The following ANTXR1 variants were observed in gnomAD, a reference collection of about 807,000 sequenced individuals.
The protein encoded by ANTXR1 is ANTXR cell adhesion molecule 1.
A neutral mutation model predicts 78.1 loss-of-function variants in ANTXR1; 19 were observed. That is an observed-to-expected ratio of 0.24 (90% CI 0.17 to 0.36). The LOEUF is 0.36. Among genes scored for constraint, ANTXR1 ranks in the 10% least tolerant of loss-of-function variants. The pLI, the probability that ANTXR1 is intolerant of heterozygous loss-of-function variation, is 1.00. For synonymous variants in ANTXR1, 273 were observed against 260.5 expected, an observed-to-expected ratio of 1.05 and a Z score of -0.46; for missense variants, 518 against 718.6, an observed-to-expected ratio of 0.72 and a Z score of 3.19.
At chr2:69,090,662 A>C (rs1671202337) in intron 8 of ANTXR1, 197 bp from the exon 9 acceptor site, 1 of 625,494 alleles carries the variant, frequency 1.6e-6, no homozygotes, top group Admixed American at 2.5e-5. Context: ...TAGGATACCC[A>C]ACAGCATCTA....
In ANTXR1 at chr2:69,181,897, C is replaced by A. The variant is rs6749826; in HGVS notation, c.1185+16C>A. ...AAGAATGGAGGTAAGAGGACAGCTT[C>A]ATATACACTTATCTATGTGCTGACT... is the stretch of plus-strand genomic sequence containing the variant. On this transcript the variant is annotated intron_variant, in intron 15 of 17. Transcript: ENST00000303714. The A allele has an allele frequency of 0.46, 736,213 of 1,611,934 alleles. 174,406 individuals are homozygous for A. The highest frequency in any genetic ancestry group is 0.78 in the East Asian group (34,946 of 44,846).
In ANTXR1 at chr2:69,230,897, A is replaced by G. The variant is rs530079403; in HGVS notation, c.1435-14328A>G. Among the ~76,000 whole-genome samples the G allele has an allele frequency of 3.3e-5, 5 of 152,268 alleles. No individual in the cohort carries two copies. In the South Asian group the frequency reaches 1.0e-3, roughly 32 times the overall value. ...GGGGGCTTGTTGTACAGATTATTTC[A>G]TCACCCAGGTATTAAGCCCAGTACC... On this transcript the variant is annotated intron_variant, in intron 17 of 17. Transcript: ENST00000303714.
In ANTXR1 at chr2:69,193,376, T is replaced by C. The variant is rs769362984; in HGVS notation, c.1395T>C (p.Tyr465=). 11 of 1,613,820 alleles carry C rather than the reference T, an allele frequency of 6.8e-6. No individual in the cohort carries two copies. In the Admixed American group the frequency reaches 1.3e-4, roughly 20 times the overall value. ...TGTGGGTCCTACTGAGGAAAGGATA[T>C]GATCGTGTGTCTGTGATGCGTCCAC... is the stretch of plus-strand genomic sequence containing the variant. ...DALWVLLRKG[Y]DRVSVMRPQP... is the part of the protein sequence containing the mutation. The change falls in exon 17 of 18, where the codon TAT becomes TAC. Residue 465 remains tyrosine (Y), a synonymous_variant. Transcript: ENST00000303714.
At chr2:69,126,190 C>T (rs933012750) in intron 12 of ANTXR1, among the ~76,000 whole-genome samples, 1 of 152,186 alleles carries the variant, frequency 6.6e-6, no homozygotes, top group Non-Finnish European at 1.5e-5. Flanking sequence ...CCTCCTAATG[C>T]CCCCAACACC....
chr2:69,088,772 A>G (rs1671135905), intron 8 of ANTXR1, among the ~76,000 whole-genome samples: 2 of 152,238 alleles, frequency 1.3e-5, no homozygotes, highest in South Asian at 4.1e-4. Context: ...ACCATAAGGC[A>G]CTGGGGAAGC....
chr2:69,133,631 A>AT (rs1672822479), intron 12 of ANTXR1, among the ~76,000 whole-genome samples: 1 of 152,212 alleles, frequency 6.6e-6, no homozygotes, highest in Non-Finnish European at 1.5e-5. Flanking sequence ...TGATTTGTGA[A>AT]TTTGGTCATC....
intron 14 of ANTXR1, chr2:69,172,510 A>G: frequency 3.5e-6 from 5 of 1,443,652 alleles, no homozygotes; most frequent in Middle Eastern, 5.1e-4. Context: ...AGTTCCCTGT[A>G]TTCAAATCCC....
chr2:69,043,850 AC>A (rs764748458), intron 2 of ANTXR1, among the ~76,000 whole-genome samples: 1 of 152,174 alleles, frequency 6.6e-6, no homozygotes, highest in Non-Finnish European at 1.5e-5. Flanking sequence ...AAGCTAAGAT[AC>A]GGGAAGTGAG....
intron 3 of ANTXR1, 31 bp from the exon 4 acceptor site, chr2:69,070,616 A>G: frequency 6.2e-7 from 1 of 1,607,522 alleles, no homozygotes; most frequent in Non-Finnish European, 8.5e-7. Flanking sequence ...AAATACTCAA[A>G]TAAGACTAAC....
intron 8 of ANTXR1, among the ~76,000 whole-genome samples, chr2:69,087,094 C>G (rs1317920722): frequency 6.6e-6 from 1 of 152,156 alleles, no homozygotes; most frequent in East Asian, 1.9e-4. Flanking sequence ...GCAGAGGAAA[C>G]TGAGATTTGG....
At chr2:69,132,451 AT>A (rs1672779134) in intron 12 of ANTXR1, among the ~76,000 whole-genome samples, 1 of 152,230 alleles carries the variant, frequency 6.6e-6, no homozygotes, top group African/African-American at 2.4e-5. Flanking sequence ...TTTTGTAGTC[AT>A]TATGACTCTT....
intron 3 of ANTXR1, among the ~76,000 whole-genome samples, chr2:69,049,016 T>C (rs1314921915): frequency 6.6e-6 from 1 of 152,128 alleles, no homozygotes; most frequent in African/African-American, 2.4e-5. Flanking sequence ...ATTGTCAACA[T>C]TTTTTTCCCA....
At chr2:69,068,060 A>G (rs911258418) in intron 3 of ANTXR1, among the ~76,000 whole-genome samples, 4 of 152,144 alleles carry the variant, frequency 2.6e-5, no homozygotes, top group African/African-American at 9.7e-5. Flanking sequence ...GCCTCCTTCC[A>G]TATGGCCAAG....
chr2:69,184,620 C>T (rs977523135), intron 16 of ANTXR1, among the ~76,000 whole-genome samples: 1 of 152,126 alleles, frequency 6.6e-6, no homozygotes, highest in Non-Finnish European at 1.5e-5. Flanking sequence ...TTGAAAACTC[C>T]GGTTTCTACT....
At chr2:69,112,175 G>C (rs1371226172) in intron 10 of ANTXR1, among the ~76,000 whole-genome samples, 1 of 152,154 alleles carries the variant, frequency 6.6e-6, no homozygotes, top group Non-Finnish European at 1.5e-5. Flanking sequence ...AGCAGCTACT[G>C]ATTGTTGAGT....
At chr2:69,226,124 T>C (rs1675445276) in intron 17 of ANTXR1, among the ~76,000 whole-genome samples, 1 of 152,128 alleles carries the variant, frequency 6.6e-6, no homozygotes, top group Admixed American at 6.5e-5. Flanking sequence ...ATGAGGGGGT[T>C]GGTAGCCATA....
chr2:69,132,459 T>G (rs1030883825), intron 12 of ANTXR1, among the ~76,000 whole-genome samples: 2 of 152,234 alleles, frequency 1.3e-5, no homozygotes, highest in African/African-American at 2.4e-5. Context: ...TCATTATGAC[T>G]CTTTAGGTAA....
At chr2:69,234,195 C>T (rs1214608603) in intron 17 of ANTXR1, among the ~76,000 whole-genome samples, 5 of 152,106 alleles carry the variant, frequency 3.3e-5, no homozygotes, top group African/African-American at 1.2e-4. Flanking sequence ...GGAACTATAA[C>T]AGTGGAAACT....
At chr2:69,188,034 CAAAAAAAAAAAAAAAAAA>C (rs34500820) in intron 16 of ANTXR1, among the ~76,000 whole-genome samples, 121 of 90,788 alleles carry the variant, frequency 1.3e-3, no homozygotes, top group Middle Eastern at 0.01. Context: ...TGCTGCCTGG[CAAAAAAAAAAAAAAAAAA>C]AAAAAAAAAG....
Sources: allele counts gnomAD v4.1 joint callset (sites outside exome capture counted in the v4.1 genomes callset), GRCh38; gene constraint gnomAD v4.1.1; transcripts MANE v1.5; gene names NCBI Gene and HGNC (gene_info 2026-07-23, HGNC 2026-07-21).